Variants in TMIE observed in about 807,000 individuals in gnomAD.
TMIE encodes transmembrane inner ear expressed protein.
TMIE carries 14 observed loss-of-function variants against 16.8 expected under a neutral mutation model. The ratio of observed to expected loss-of-function variants is 0.83; its 90% CI spans 0.55 to 1.30. TMIE has a LOEUF of 1.30. Ranked by LOEUF, TMIE falls within the 50% of genes most tolerant of loss-of-function variation. The pLI, the probability that TMIE is intolerant of heterozygous loss-of-function variation, is 0.00. For synonymous variants in TMIE, 75 were observed against 87.2 expected, an observed-to-expected ratio of 0.86 and a Z score of 0.78; for missense variants, 204 against 205.9, an observed-to-expected ratio of 0.99 and a Z score of 0.06.
At position 46,709,925 on chromosome 3, in the gene TMIE, C is replaced by A; in HGVS notation, c.*237C>A. On this transcript the variant is annotated 3_prime_UTR_variant, in exon 4 of 4. Transcript: ENST00000643606. Reference sequence around the variant, plus strand: ...CACCCCATCCACATGGGTACTGTCTCGGCAGAGGTGGTCTGGTGCCACCGT... The same window carrying A: ...CACCCCATCCACATGGGTACTGTCTAGGCAGAGGTGGTCTGGTGCCACCGT... 1 of 725,204 alleles carries A rather than the reference C, an allele frequency of 1.4e-6. No individual in the cohort carries two copies. Among genetic ancestry groups the A allele is most frequent in the South Asian group, 1.9e-5 (1 of 53,818 alleles). The allele number at this position is 725,204 out of a possible 1,614,324, so 44.9% of individuals were successfully genotyped here. A position where few individuals can be genotyped will look rare whatever the true frequency, so the allele number is the denominator to read the frequency against.
intron 1 of TMIE, among the ~76,000 whole-genome samples, chr3:46,695,425 G>A (rs1040016140): frequency 2.0e-5 from 3 of 152,182 alleles, no homozygotes; most frequent in Non-Finnish European, 4.4e-5. Context: ...TCCTTCTCGG[G>A]GTTATGTGGG....
At chr3:46,701,275 C>T, upstream of TMIE, 2 of 438,350 alleles carry the variant, frequency 4.6e-6, no homozygotes, top group Non-Finnish European at 4.0e-6. This position sits in a 1 kb window ranked among gnomAD's most constrained non-coding sequence, Gnocchi z 4.3. Flanking sequence ...GGGGAGCCTG[C>T]GGCCCGATCT....
upstream of TMIE, among the ~76,000 whole-genome samples, chr3:46,698,931 C>T (rs893861989): frequency 6.6e-6 from 1 of 151,846 alleles, no homozygotes; most frequent in Admixed American, 6.6e-5. Flanking sequence ...ATTCCTCCCA[C>T]CTCAACTTCC....
upstream of TMIE, chr3:46,701,365 A>G (rs1700472922): frequency 1.4e-6 from 1 of 715,548 alleles, no homozygotes; most frequent in Non-Finnish European, 2.1e-6. The surrounding 1 kb of genome is among the most constrained non-coding windows in gnomAD (Gnocchi z 4.3). Flanking sequence ...GAGGATGAAT[A>G]AATGATGCTC....
Position 46,710,075 on chromosome 3 carries a change from G to A in TMIE, c.*387G>A, listed in dbSNP as rs1700602336. The A allele has an allele frequency of 2.9e-6, 1 of 343,562 alleles. No individual in the cohort carries two copies. Among genetic ancestry groups the A allele is most frequent in the South Asian group, 2.4e-5 (1 of 41,492 alleles). 21.3% of individuals were successfully genotyped at this position (343,562 alleles called of 1,614,324 possible). A position where few individuals can be genotyped will look rare whatever the true frequency, so the allele number is the denominator to read the frequency against. Reference sequence around the variant, plus strand: ...TTACTTCAGCCACCCTTTCTGGCACGAAATGGCTGAAGTGCATGGGTCAGG... The same window carrying A: ...TTACTTCAGCCACCCTTTCTGGCACAAAATGGCTGAAGTGCATGGGTCAGG... On this transcript the variant is annotated 3_prime_UTR_variant, in exon 4 of 4. Coordinates refer to ENST00000643606, the MANE Select transcript of TMIE (RefSeq NM_147196.3).
upstream of TMIE, among the ~76,000 whole-genome samples, chr3:46,697,341 CT>C (rs1350845506): frequency 1.3e-5 from 2 of 152,198 alleles, no homozygotes; most frequent in African/African-American, 2.4e-5. Flanking sequence ...TCTTAAGACC[CT>C]CCCCAGAGAG....
chr3:46,700,646 C>G (rs1575467562), upstream of TMIE, among the ~76,000 whole-genome samples: 1 of 152,190 alleles, frequency 6.6e-6, no homozygotes, highest in South Asian at 2.1e-4. Context: ...CTCCTCAGAA[C>G]CTCCCTCTGT....
Position 46,710,383 on chromosome 3 carries a change from G to T in TMIE, c.*695G>T, listed in dbSNP as rs77244938. ...GGCCCGGCATGAGGCCCCGAGGCTCGAGCTCGGGGCTGGGGGCTGCAGGGC... is the reference window on the plus strand; with the variant it reads ...GGCCCGGCATGAGGCCCCGAGGCTCTAGCTCGGGGCTGGGGGCTGCAGGGC... On this transcript the variant is annotated 3_prime_UTR_variant, in exon 4 of 4. Transcript: ENST00000643606. The T allele has an allele frequency of 6.3e-6, 1 of 159,628 alleles. No homozygotes were observed. Among genetic ancestry groups the T allele is most frequent in the African/African-American group, 2.4e-5 (1 of 41,472 alleles). 9.9% of individuals were successfully genotyped at this position (159,628 alleles called of 1,614,324 possible).
upstream of TMIE, among the ~76,000 whole-genome samples, chr3:46,698,064 TC>T (rs1700425798): frequency 6.6e-6 from 1 of 152,142 alleles, no homozygotes; most frequent in African/African-American, 2.4e-5. Flanking sequence ...TTGTTTTGTT[TC>T]TTTTTTTTGA....
upstream of TMIE, among the ~76,000 whole-genome samples, chr3:46,699,057 CTTATTTTTTTTTTTT>C (rs1700439441): frequency 1.5e-5 from 1 of 65,292 alleles, no homozygotes; most frequent in South Asian, 4.7e-4. Flanking sequence ...AATGGTGTTT[CTTATTTTTTTTTTTT>C]TTTTTTTTTT....
At chr3:46,699,280 C>T (rs1007899019), upstream of TMIE, among the ~76,000 whole-genome samples, 1 of 151,992 alleles carries the variant, frequency 6.6e-6, no homozygotes, top group South Asian at 2.1e-4. Context: ...CCATGTTGGT[C>T]AGGCTGGTCT....
At chr3:46,702,852 C>T (rs554080792) in intron 1 of TMIE, among the ~76,000 whole-genome samples, 1 of 152,210 alleles carries the variant, frequency 6.6e-6, no homozygotes, top group Non-Finnish European at 1.5e-5. Flanking sequence ...GTAAGGGGAG[C>T]TATGCTGGCT....
chr3:46,709,441 C>A, intron 3 of TMIE, 138 bp from the exon 4 acceptor site: 2 of 1,604,338 alleles, frequency 1.2e-6, no homozygotes, highest in Non-Finnish European at 8.5e-7. Flanking sequence ...GCAAATAGAA[C>A]GATGAGCCTA....
At chr3:46,694,350 T>C (rs1351772922), upstream of TMIE, among the ~76,000 whole-genome samples, 1 of 152,146 alleles carries the variant, frequency 6.6e-6, no homozygotes, top group Non-Finnish European at 1.5e-5. Context: ...TGAAGACTTA[T>C]CTGGGACAGA....
Position 46,710,366 on chromosome 3 carries a change from A to C in TMIE, c.*678A>C, listed in dbSNP as rs886158458. The C allele has an allele frequency of 1.2e-5, 2 of 160,170 alleles. No individual in the cohort carries two copies. The highest frequency in any genetic ancestry group is 5.8e-5 in the Admixed American group (1 of 17,352). 9.9% of individuals were successfully genotyped at this position (160,170 alleles called of 1,614,324 possible). A position where few individuals can be genotyped will look rare whatever the true frequency, so the allele number is the denominator to read the frequency against. ...AGCTGAGGCTGCTGCCAGGCCCGGC[A>C]TGAGGCCCCGAGGCTCGAGCTCGGG... On this transcript the variant is annotated 3_prime_UTR_variant, in exon 4 of 4. Coordinates refer to ENST00000643606, the MANE Select transcript of TMIE (RefSeq NM_147196.3).
At chr3:46,708,410 A>C (rs1700578141) in intron 2 of TMIE, among the ~76,000 whole-genome samples, 1 of 152,240 alleles carries the variant, frequency 6.6e-6, no homozygotes, top group African/African-American at 2.4e-5. Flanking sequence ...CAAGGTGGTC[A>C]GGCTGTGGGG....
chr3:46,698,494 C>T (rs1003987732), upstream of TMIE, among the ~76,000 whole-genome samples: 3 of 151,998 alleles, frequency 2.0e-5, no homozygotes, highest in African/African-American at 2.4e-5. Context: ...GCTATGTTGC[C>T]CAGGCTAGTC....
At chr3:46,704,560 A>C (rs575883563) in intron 1 of TMIE, among the ~76,000 whole-genome samples, 1 of 123,512 alleles carries the variant, frequency 8.1e-6, no homozygotes, top group African/African-American at 3.2e-5. Context: ...GGGCAGGACC[A>C]TGTCCCCTAG....
At chr3:46,698,176 G>A (rs764800466), upstream of TMIE, among the ~76,000 whole-genome samples, 90 of 151,870 alleles carry the variant, frequency 5.9e-4, no homozygotes, top group African/African-American at 1.9e-3. Context: ...TCAGCCTCCC[G>A]ACTAGTTGGG....
Sources: gnomAD v4.1 joint callset for allele counts (sites outside exome capture counted in the v4.1 genomes callset) on GRCh38, gnomAD v4.1.1 for gene constraint, Gnocchi (gnomAD v3.1) non-coding constraint, MANE v1.5 for transcripts, NCBI Gene and HGNC (gene_info 2026-07-23, HGNC 2026-07-21) for gene names.